Variants in DCC observed in about 807,000 individuals in gnomAD.
DCC encodes netrin receptor DCC.
DCC carries 58 observed loss-of-function variants against 172.5 expected under a neutral mutation model. The ratio of observed to expected loss-of-function variants is 0.34; its 90% CI spans 0.27 to 0.42. The LOEUF (loss-of-function observed/expected upper bound fraction) is 0.42. Ranked by LOEUF, DCC falls within the 10% of genes least tolerant of loss-of-function variation. The probability of loss-of-function intolerance (pLI) is 1.00; values close to 1 mark genes in which losing one functional copy is unlikely to be tolerated. For synonymous variants in DCC, 709 were observed against 644.5 expected, an observed-to-expected ratio of 1.10 and a Z score of -1.52; for missense variants, 1,740 against 1,791.0, an observed-to-expected ratio of 0.97 and a Z score of 0.51.
chr18:53,003,626 A>C (rs2041599887), intron 5 of DCC, among the ~76,000 whole-genome samples: 1 of 152,148 alleles, frequency 6.6e-6, no homozygotes, highest in African/African-American at 2.4e-5. Flanking sequence ...TACCTATCTC[A>C]GTGCCTGTTG....
chr18:52,573,156 T>C (rs760390255), intron 1 of DCC, among the ~76,000 whole-genome samples: 18 of 152,090 alleles, frequency 1.2e-4, no homozygotes, highest in Non-Finnish European at 2.4e-4. Flanking sequence ...AGTTATAAAA[T>C]AATAAAAATG....
chr18:52,897,418 T>G (rs577358718), intron 2 of DCC, among the ~76,000 whole-genome samples: 1 of 152,290 alleles, frequency 6.6e-6, no homozygotes, highest in Non-Finnish European at 1.5e-5. Flanking sequence ...AAATCCAACT[T>G]TCAAAATTTG....
intron 1 of DCC, among the ~76,000 whole-genome samples, chr18:52,634,431 A>C (rs2034734346): frequency 6.6e-6 from 1 of 152,210 alleles, no homozygotes; most frequent in African/African-American, 2.4e-5. Flanking sequence ...CTGGTTTAAA[A>C]AGTATTAGGA....
intron 5 of DCC, among the ~76,000 whole-genome samples, chr18:53,026,255 T>C (rs998155891): frequency 9.9e-5 from 15 of 152,168 alleles, no homozygotes; most frequent in Non-Finnish European, 1.8e-4. Flanking sequence ...AATTTAATGC[T>C]CTGTCACATT....
chr18:52,855,723 A>G (rs939664623), intron 2 of DCC, among the ~76,000 whole-genome samples: 2 of 151,790 alleles, frequency 1.3e-5, no homozygotes, highest in Admixed American at 6.6e-5. Context: ...AATGGTCATA[A>G]GGATGGTGAC....
At chr18:53,310,405 A>C (rs2144796204) in intron 13 of DCC, among the ~76,000 whole-genome samples, 1 of 152,232 alleles carries the variant, frequency 6.6e-6, no homozygotes, top group African/African-American at 2.4e-5. Flanking sequence ...TTTGTATGTT[A>C]TAAATATTCA....
chr18:53,197,720 C>T (rs2055468330), intron 9 of DCC, among the ~76,000 whole-genome samples: 1 of 151,782 alleles, frequency 6.6e-6, no homozygotes, highest in South Asian at 2.1e-4. Context: ...TAATTAAGTT[C>T]CCAAGATTTT....
chr18:53,117,980 C>T (rs1021406495), intron 7 of DCC, among the ~76,000 whole-genome samples: 1 of 151,700 alleles, frequency 6.6e-6, no homozygotes, highest in African/African-American at 2.4e-5. Context: ...TGGATTTGGT[C>T]TTCAGGTCAT....
At chr18:52,649,934 A>G (rs192473608) in intron 1 of DCC, among the ~76,000 whole-genome samples, 13 of 150,850 alleles carry the variant, frequency 8.6e-5, no homozygotes, top group African/African-American at 1.9e-4. Flanking sequence ...CTTTAGGTAG[A>G]CACCCAGCAG....
intron 24 of DCC, among the ~76,000 whole-genome samples, chr18:53,460,438 C>A (rs1185179018): frequency 7.8e-5 from 8 of 102,530 alleles, no homozygotes; most frequent in African/African-American, 2.8e-4. Context: ...CCCCTCCCCC[C>A]ACCCCACAAC....
At chr18:52,705,375 T>C (rs996885941) in intron 1 of DCC, among the ~76,000 whole-genome samples, 1 of 152,148 alleles carries the variant, frequency 6.6e-6, no homozygotes, top group Non-Finnish European at 1.5e-5. Context: ...ACTTTCAGAA[T>C]ATGGTGTTCG....
intron 5 of DCC, among the ~76,000 whole-genome samples, chr18:53,036,952 G>T (rs912837131): frequency 2.6e-5 from 4 of 151,974 alleles, no homozygotes; most frequent in Non-Finnish European, 5.9e-5. Flanking sequence ...TTTCAAGGTA[G>T]CAGGGACATG....
Position 53,471,953 on chromosome 18 carries a change from A to G in DCC, c.3736+3943A>G, listed in dbSNP as rs111894830. Among the ~76,000 whole-genome samples the G allele has an allele frequency of 5.1e-3, 773 of 152,200 alleles. 6 individuals are homozygous for G. Among genetic ancestry groups the G allele is most frequent in the African/African-American group, 0.016 (655 of 41,522 alleles). On this transcript the variant is annotated intron_variant, in intron 25 of 28. Coordinates refer to ENST00000442544, the MANE Select transcript of DCC (RefSeq NM_005215.4). ...TATAATCTTTATAGGGGCAAGGATT[A>G]TGCCTATTTTGGTCATTTTGAGTCG...
intron 3 of DCC, among the ~76,000 whole-genome samples, chr18:52,913,186 A>G (rs971684701): frequency 6.6e-6 from 1 of 152,090 alleles, no homozygotes; most frequent in Admixed American, 6.6e-5. Flanking sequence ...TAGTTATAGT[A>G]GGTCAGGTCA....
chr18:52,878,577 G>A (rs2145398922), intron 2 of DCC, among the ~76,000 whole-genome samples: 1 of 152,190 alleles, frequency 6.6e-6, no homozygotes, highest in Admixed American at 6.5e-5. Context: ...AAATTATTAT[G>A]ACTCTGAGAC....
intron 1 of DCC, among the ~76,000 whole-genome samples, chr18:52,672,584 T>C (rs758635197): frequency 2.0e-5 from 3 of 151,916 alleles, no homozygotes; most frequent in Non-Finnish European, 4.4e-5. Context: ...CCTCCCTCCC[T>C]TTCTTCTTCC....
rs539186903 is a variant in DCC, at chr18:53,492,691, C to A, written c.3898+5733C>A. Among the ~76,000 whole-genome samples the A allele has an allele frequency of 1.2e-4, 18 of 152,264 alleles. No individual in the cohort carries two copies. The South Asian group carries it at 3.7e-3, about 32-fold the overall frequency. ...TATCTGTTTTGGTACCAGTACCATG[C>A]TGTTTTGGTTACTGTAGCCTTGTAG... is the stretch of plus-strand genomic sequence containing the variant. On this transcript the variant is annotated intron_variant, in intron 26 of 28. Coordinates refer to ENST00000442544, the MANE Select transcript of DCC (RefSeq NM_005215.4).
intron 1 of DCC, among the ~76,000 whole-genome samples, chr18:52,458,078 C>T (rs924210552): frequency 6.6e-6 from 1 of 152,172 alleles, no homozygotes; most frequent in African/African-American, 2.4e-5. Flanking sequence ...ACAAGCCCAG[C>T]ACTGGCACAC....
At chr18:52,939,333 C>G (rs1568199607) in intron 5 of DCC, among the ~76,000 whole-genome samples, 1 of 152,150 alleles carries the variant, frequency 6.6e-6, no homozygotes, top group Admixed American at 6.6e-5. Flanking sequence ...CTGATTAAGA[C>G]CATCTCTCAT....
Sources: gnomAD v4.1 joint callset for allele counts (sites outside exome capture counted in the v4.1 genomes callset) on GRCh38, gnomAD v4.1.1 for gene constraint, MANE v1.5 for transcripts, NCBI Gene and HGNC (gene_info 2026-07-23, HGNC 2026-07-21) for gene names.